The following PRKD2 variants were observed in gnomAD, a reference collection of about 807,000 sequenced individuals.
PRKD2 encodes the protein protein kinase D2.
PRKD2 carries 22 observed loss-of-function variants against 86.0 expected under a neutral mutation model. That is an observed-to-expected ratio of 0.26 (90% CI 0.18 to 0.37). PRKD2 has a LOEUF of 0.37. PRKD2 is among the 10% of genes least tolerant of loss of function. PRKD2 has a pLI of 1.00. For synonymous variants in PRKD2, 509 were observed against 510.9 expected (o/e 1.00, Z 0.05); for missense variants, 818 against 1,199.2 (o/e 0.68, Z 4.70).
intron 17 of PRKD2, 25 bp from the exon 18 acceptor site, chr19:46,674,760 G>A: frequency 1.3e-6 from 2 of 1,595,182 alleles, no homozygotes; most frequent in Non-Finnish European, 1.7e-6. Flanking sequence ...ACTGGGGTTA[G>A]CTTGGGGTCT....
In PRKD2 at chr19:46,716,596, G is replaced by A; in HGVS notation, c.-226C>T. On this transcript the variant is annotated 5_prime_UTR_variant, in exon 1 of 18. Coordinates refer to ENST00000291281, the MANE Select transcript of PRKD2 (RefSeq NM_016457.5). The surrounding 1 kb of genome is among the most constrained non-coding windows in gnomAD (Gnocchi z 7.9). ...GGCCCGGAATCCAGGGCTCCCAGAA[G>A]ATCAGAAAGGAGAAAAGTAGTGGGT... 1 of 400,784 alleles carries A rather than the reference G, an allele frequency of 2.5e-6. No homozygotes were observed. The allele number at this position is 400,784 out of a possible 1,614,324, so 24.8% of individuals were successfully genotyped here. A position where few individuals can be genotyped will look rare whatever the true frequency, so the allele number is the denominator to read the frequency against.
intron 7 of PRKD2, among the ~76,000 whole-genome samples, chr19:46,700,594 T>C (rs2053621466): frequency 6.6e-6 from 1 of 152,114 alleles, no homozygotes; most frequent in Non-Finnish European, 1.5e-5. Context: ...ACTGCACCAC[T>C]GCACCAGCCT....
intron 2 of PRKD2, among the ~76,000 whole-genome samples, chr19:46,711,463 G>T (rs948979999): frequency 1.3e-5 from 2 of 150,652 alleles, no homozygotes; most frequent in African/African-American, 4.9e-5. Context: ...GTGAGATCTC[G>T]GCTCACCACA....
intron 3 of PRKD2, among the ~76,000 whole-genome samples, chr19:46,709,959 A>C (rs1321285019): frequency 6.6e-6 from 1 of 150,414 alleles, no homozygotes; most frequent in Non-Finnish European, 1.5e-5. Context: ...GTGCAGTGGC[A>C]CAATCTCGGC....
intron 16 of PRKD2, among the ~76,000 whole-genome samples, chr19:46,675,645 A>G (rs1230973712): frequency 6.6e-6 from 1 of 152,152 alleles, no homozygotes; most frequent in Non-Finnish European, 1.5e-5. Flanking sequence ...GGGTTTCACC[A>G]TATTGGCCAG....
intron 14 of PRKD2, among the ~76,000 whole-genome samples, chr19:46,682,389 A>T (rs2053320889): frequency 6.6e-6 from 1 of 151,668 alleles, no homozygotes; most frequent in Non-Finnish European, 1.5e-5. Flanking sequence ...TCCTGGACTC[A>T]AGTGATCCAC....
Position 46,685,274 on chromosome 19 carries a change from A to G in PRKD2, c.1972-3526T>C, listed in dbSNP as rs10415514. On this transcript the variant is annotated intron_variant, in intron 14 of 17. Coordinates refer to ENST00000291281, the MANE Select transcript of PRKD2 (RefSeq NM_016457.5). ...ACTTCGTCTCAAAAAAAAAAAAAAA[A>G]AAAGAAAAGAAAGAGGGCAGGTTGG... is the stretch of plus-strand genomic sequence containing the variant. 7.7e-3 allele frequency among the ~76,000 whole-genome samples: 1,161 copies of G among 151,710 alleles called. 16 individuals carry two copies. The highest frequency in any genetic ancestry group is 0.027 in the African/African-American group (1,104 of 41,416).
rs1239749606 is a variant in PRKD2 at position 46,680,939 on chromosome 19, TATA to T, written c.2070+708_2070+710del. On this transcript the variant is annotated intron_variant, in intron 15 of 17. Transcript: ENST00000291281. ...TTGGGATAAACTATATATATATATA[TATA>T]TATATTTTTTTTTTTTTTTTTGAGA... 5.3e-3 allele frequency among the ~76,000 whole-genome samples: 266 copies of T among 50,170 alleles called. 5 individuals carry two copies. The South Asian group carries it at 0.066, about 13-fold the overall frequency. The allele number at this position is 50,170 out of a possible 152,430, so 32.9% of individuals were successfully genotyped here.
rs149613778 is a variant in PRKD2, at chr19:46,706,283, G to A, written c.512-1634C>T. On this transcript the variant is annotated intron_variant, in intron 3 of 17. Transcript: ENST00000291281. ...AGTGATTCCAAACGATTCCAGGATC[G>A]CTTTCTATTCTGGAGTGAAGAATGT... is the stretch of plus-strand genomic sequence containing the variant. 2.4e-3 allele frequency among the ~76,000 whole-genome samples: 358 copies of A among 152,264 alleles called. 1 individual carries two copies. The highest frequency in any genetic ancestry group is 7.4e-3 in the African/African-American group (306 of 41,544).
In PRKD2 at chr19:46,678,764, A is replaced by G. The variant is rs2053251611; in HGVS notation, c.2071-101T>C. 2.2e-6 allele frequency: 3 copies of G among 1,394,288 alleles called. No homozygotes were observed. In the African/African-American group the frequency reaches 4.3e-5, roughly 20 times the overall value. The allele number at this position is 1,394,288 out of a possible 1,614,324, so 86.4% of individuals were successfully genotyped here. The stretch of plus-strand genomic sequence containing the variant: ...TCCATGGTATTCCAGAGAAAGCTGG[A>G]TGCTGGTTTGAATCCAGGCTCCTTG... On this transcript the variant is annotated intron_variant, in intron 15 of 17. Coordinates refer to ENST00000291281, the MANE Select transcript of PRKD2 (RefSeq NM_016457.5). The surrounding 1 kb of genome is among the most constrained non-coding windows in gnomAD (Gnocchi z 5.7).
intron 14 of PRKD2, among the ~76,000 whole-genome samples, chr19:46,684,281 T>G (rs781065626): frequency 2.0e-5 from 3 of 152,056 alleles, no homozygotes; most frequent in Non-Finnish European, 2.9e-5. Context: ...TTCTACAGAC[T>G]GGGAGACCAA....
chr19:46,681,880 C>T, intron 14 of PRKD2, 132 bp from the exon 15 acceptor site: 1 of 566,306 alleles, frequency 1.8e-6, no homozygotes, highest in Non-Finnish European at 3.1e-6. Context: ...CGCTCTGTAG[C>T]CCAGGCTGGA....
intron 15 of PRKD2, among the ~76,000 whole-genome samples, chr19:46,680,946 A>ATATATATATATATTTTTTTTTT: frequency 1.0e-4 from 5 of 48,232 alleles, no homozygotes; most frequent in Non-Finnish European, 2.0e-4. Flanking sequence ...ATATATATAT[A>ATATATATATATATTTTTTTTTT]TTTTTTTTTT....
chr19:46,701,572 C>T (rs182534065), intron 5 of PRKD2, among the ~76,000 whole-genome samples: 34 of 151,820 alleles, frequency 2.2e-4, no homozygotes, highest in Admixed American at 2.1e-3. Flanking sequence ...AGGCTGGTTT[C>T]GCGCTCCTGA....
At chr19:46,704,682 C>A (rs374712528) in intron 3 of PRKD2, 33 bp from the exon 4 acceptor site, 55 of 1,565,666 alleles carry the variant, frequency 3.5e-5, no homozygotes, top group Non-Finnish European at 4.6e-5. Flanking sequence ...AGAGACATGG[C>A]GTCTGCCCCT....
chr19:46,686,481 TAA>T (rs34228000), intron 14 of PRKD2, among the ~76,000 whole-genome samples: 95,077 of 134,162 alleles, frequency 0.71, 33,183 homozygotes, highest in African/African-American at 0.79. Context: ...ACAAAAACAT[TAA>T]AAAAAAAAAA....
chr19:46,713,600 A>G (rs1021268111), intron 2 of PRKD2, among the ~76,000 whole-genome samples: 10 of 151,742 alleles, frequency 6.6e-5, no homozygotes. Context: ...ATCTTCCAGA[A>G]GCCCCCAACT....
intron 16 of PRKD2, among the ~76,000 whole-genome samples, chr19:46,675,974 G>T (rs1390517435): frequency 6.6e-6 from 1 of 151,924 alleles, no homozygotes; most frequent in Non-Finnish European, 1.5e-5. Flanking sequence ...GCCCAGGCTG[G>T]TCTTGAACTC....
intron 5 of PRKD2, among the ~76,000 whole-genome samples, chr19:46,701,810 T>C (rs2053639094): frequency 6.6e-6 from 1 of 151,946 alleles, no homozygotes; most frequent in Non-Finnish European, 1.5e-5. Flanking sequence ...GTAGGATGTT[T>C]AGCTGCATCT....
Sources: allele counts gnomAD v4.1 joint callset (sites outside exome capture counted in the v4.1 genomes callset), GRCh38; gene constraint gnomAD v4.1.1; non-coding constraint Gnocchi (gnomAD v3.1); transcripts MANE v1.5; gene names NCBI Gene and HGNC (gene_info 2026-07-23, HGNC 2026-07-21).